The following AUTS2 variants were observed in gnomAD, a reference collection of about 807,000 sequenced individuals.
AUTS2 encodes the protein activator of transcription and developmental regulator AUTS2.
In AUTS2, 17 loss-of-function variants were observed where a neutral mutation model predicts 112.4. The ratio of observed to expected loss-of-function variants is 0.15; its 90% CI spans 0.10 to 0.23. The LOEUF (loss-of-function observed/expected upper bound fraction) is 0.23. AUTS2 is among the 10% of genes least tolerant of loss of function. AUTS2 has a pLI of 1.00. For missense variants in AUTS2, 1,510 were observed against 1,701.6 expected (o/e 0.89, Z 1.98); for synonymous variants, 751 against 702.7 (o/e 1.07, Z -1.09).
chr7:70,245,144 G>GTATATA (rs71077638), intron 4 of AUTS2, among the ~76,000 whole-genome samples: 4 of 108,996 alleles, frequency 3.7e-5, no homozygotes, highest in South Asian at 2.9e-4. Context: ...GTGTGTGTGT[G>GTATATA]TATATATATA....
At chr7:69,971,496 A>G (rs1797848699) in intron 2 of AUTS2, among the ~76,000 whole-genome samples, 1 of 152,214 alleles carries the variant, frequency 6.6e-6, no homozygotes, top group Admixed American at 6.5e-5. Flanking sequence ...ATATTGTAAA[A>G]CCATAGTAAA....
intron 1 of AUTS2, among the ~76,000 whole-genome samples, chr7:69,816,888 T>C (rs1224754663): frequency 4.6e-5 from 7 of 152,202 alleles, no homozygotes; most frequent in Non-Finnish European, 1.0e-4. Context: ...ACTCATTCGT[T>C]CAGCAAGTTC....
At chr7:70,120,670 G>C (rs929712952) in intron 3 of AUTS2, among the ~76,000 whole-genome samples, 4 of 151,876 alleles carry the variant, frequency 2.6e-5, no homozygotes, top group Non-Finnish European at 5.9e-5. Flanking sequence ...TGGATCTTTT[G>C]GCTTGTTTCC....
intron 1 of AUTS2, among the ~76,000 whole-genome samples, chr7:69,801,998 A>G (rs576458094): frequency 2.0e-5 from 3 of 152,254 alleles, no homozygotes; most frequent in East Asian, 3.9e-4. Flanking sequence ...GGGGTGAGGA[A>G]GTAAGCCAGG....
chr7:70,268,611 C>CA (rs1170771161), intron 4 of AUTS2, among the ~76,000 whole-genome samples: 5 of 151,770 alleles, frequency 3.3e-5, no homozygotes, highest in Non-Finnish European at 5.9e-5. Flanking sequence ...TCCATCTGAA[C>CA]AAAAAAAATC....
chr7:69,644,273 C>A (rs1449355916), intron 1 of AUTS2, among the ~76,000 whole-genome samples: 1 of 152,044 alleles, frequency 6.6e-6, no homozygotes, highest in African/African-American at 2.4e-5. Flanking sequence ...TAATTGCAGT[C>A]ATTCCCATTC....
chr7:69,960,584 C>T (rs1370927861), intron 2 of AUTS2, among the ~76,000 whole-genome samples: 2 of 152,102 alleles, frequency 1.3e-5, no homozygotes, highest in East Asian at 1.9e-4. Context: ...TATTTACATG[C>T]ACATTTTTAT....
chr7:70,762,643 G>C (rs1789639656), intron 6 of AUTS2, among the ~76,000 whole-genome samples: 1 of 152,066 alleles, frequency 6.6e-6, no homozygotes, highest in South Asian at 2.1e-4. Flanking sequence ...CAGGGTCATT[G>C]CTCCCCATGG....
chr7:70,552,199 G>A (rs893924126), intron 5 of AUTS2, among the ~76,000 whole-genome samples: 2 of 152,090 alleles, frequency 1.3e-5, no homozygotes, highest in South Asian at 2.1e-4. Context: ...TAATTTATAC[G>A]CAGTTCCACT....
At chr7:70,684,945 G>A (rs1184300807) in intron 5 of AUTS2, among the ~76,000 whole-genome samples, 2 of 152,176 alleles carry the variant, frequency 1.3e-5, no homozygotes, top group African/African-American at 4.8e-5. Context: ...GTCCTTTGGA[G>A]AGGCTGAATC....
intron 5 of AUTS2, among the ~76,000 whole-genome samples, chr7:70,620,159 A>G (rs1380700085): frequency 2.6e-5 from 4 of 152,150 alleles, no homozygotes; most frequent in Admixed American, 6.5e-5. Context: ...CTTAGCACAT[A>G]GCACTGGTAC....
intron 4 of AUTS2, among the ~76,000 whole-genome samples, chr7:70,183,482 G>T (rs1467663061): frequency 6.6e-6 from 1 of 152,178 alleles, no homozygotes; most frequent in Non-Finnish European, 1.5e-5. Context: ...TCCCCTCATG[G>T]TTTTGGCCCT....
chr7:70,280,174 C>T (rs534104943), intron 4 of AUTS2, among the ~76,000 whole-genome samples: 1 of 152,316 alleles, frequency 6.6e-6, no homozygotes, highest in African/African-American at 2.4e-5. Context: ...AGAGCTCTCT[C>T]ATCTTGTCCC....
At chr7:69,723,041 G>A (rs1296875607) in intron 1 of AUTS2, among the ~76,000 whole-genome samples, 1 of 152,082 alleles carries the variant, frequency 6.6e-6, no homozygotes, top group Non-Finnish European at 1.5e-5. Context: ...AGAAGCAAGA[G>A]GGAGGATTGA....
intron 1 of AUTS2, among the ~76,000 whole-genome samples, chr7:69,703,903 T>C (rs1797936990): frequency 6.6e-6 from 1 of 152,254 alleles, no homozygotes; most frequent in African/African-American, 2.4e-5. Context: ...GTTTCTAGAA[T>C]GTGAAAATAG....
chr7:70,701,856 A>T lies in AUTS2; in HGVS notation c.742+3236A>T, dbSNP rs1809479389. ...ATCCTTCTGTCTTTGTGATTCAACC[A>T]TCTGCCAAAGAAAAAATTAATTTTC... On this transcript the variant is annotated intron_variant, in intron 6 of 18. Transcript: ENST00000342771. 2.0e-5 allele frequency among the ~76,000 whole-genome samples: 3 copies of T among 152,236 alleles called. No homozygotes were observed. In the South Asian group the frequency reaches 6.2e-4, roughly 31 times the overall value.
At chr7:69,767,772 G>A (rs1215519220) in intron 1 of AUTS2, among the ~76,000 whole-genome samples, 1 of 152,174 alleles carries the variant, frequency 6.6e-6, no homozygotes, top group African/African-American at 2.4e-5. Context: ...TGTCTAGTAA[G>A]GTTTATATTT....
chr7:69,628,134 A>G, intron 1 of AUTS2, among the ~76,000 whole-genome samples: 1 of 152,156 alleles, frequency 6.6e-6, no homozygotes, highest in South Asian at 2.1e-4. Context: ...GCATTTACAG[A>G]CGTTTATTCT....
At chr7:69,634,509 G>T (rs1415130992) in intron 1 of AUTS2, among the ~76,000 whole-genome samples, 3 of 152,128 alleles carry the variant, frequency 2.0e-5, no homozygotes, top group Non-Finnish European at 4.4e-5. Context: ...GTTATATTTG[G>T]GTAGAGGAAA....
Sources: allele counts gnomAD v4.1 joint callset (sites outside exome capture counted in the v4.1 genomes callset), GRCh38; gene constraint gnomAD v4.1.1; transcripts MANE v1.5; gene names NCBI Gene and HGNC (gene_info 2026-07-23, HGNC 2026-07-21).